The following CABLES1 variants were observed in gnomAD, a reference collection of about 807,000 sequenced individuals.
CABLES1 encodes the protein Cdk5 and Abl enzyme substrate 1.
CABLES1 carries 36 observed loss-of-function variants against 57.8 expected under a neutral mutation model. The ratio of observed to expected loss-of-function variants is 0.62; its 90% CI spans 0.48 to 0.82. CABLES1 has a LOEUF of 0.82. Among genes scored for constraint, CABLES1 ranks in the 40% least tolerant of loss-of-function variants. CABLES1 has a pLI of 0.00. For missense variants in CABLES1, 767 were observed against 836.6 expected (o/e 0.92, Z 1.03); for synonymous variants, 374 against 363.0 (o/e 1.03, Z -0.35).
At chr18:23,236,850 C>T (rs1174864368) in intron 6 of CABLES1, among the ~76,000 whole-genome samples, 4 of 152,142 alleles carry the variant, frequency 2.6e-5, no homozygotes, top group East Asian at 3.8e-4. Context: ...GCATCTTGCA[C>T]GCTGTGTGAA....
chr18:23,140,428 C>T (rs2046850358), intron 1 of CABLES1, among the ~76,000 whole-genome samples: 7 of 144,614 alleles, frequency 4.8e-5, no homozygotes, highest in South Asian at 2.2e-4. Context: ...TTCTTTCTTT[C>T]GTTTTCTTTC....
chr18:23,134,986 A>G (rs1448383438), upstream of CABLES1, among the ~76,000 whole-genome samples: 2 of 152,118 alleles, frequency 1.3e-5, no homozygotes, highest in Non-Finnish European at 2.9e-5. Flanking sequence ...GTTATTATGA[A>G]AAGGATCTAT....
chr18:23,139,600 C>T (rs2144946313), intron 1 of CABLES1, among the ~76,000 whole-genome samples: 1 of 152,254 alleles, frequency 6.6e-6, no homozygotes, highest in East Asian at 1.9e-4. Flanking sequence ...CCTGTGGAGG[C>T]AATGATTACA....
In CABLES1 at chr18:23,135,585, CAT is replaced by C; in HGVS notation, c.-177_-176del. On this transcript the variant is annotated 5_prime_UTR_variant, in exon 1 of 10. Transcript: ENST00000256925. ...GCGTGGGCCGGGGCGGCGGCGCCCC[CAT>C]CCCCAGCACCGAGGGGCGAGCATGG... 7.8e-6 allele frequency: 2 copies of C among 257,338 alleles called. No homozygotes were observed. The highest frequency in any genetic ancestry group is 1.2e-5 in the Non-Finnish European group (2 of 165,222). The allele number at this position is 257,338 out of a possible 1,614,324, so 15.9% of individuals were successfully genotyped here. A position where few individuals can be genotyped will look rare whatever the true frequency, so the allele number is the denominator to read the frequency against.
chr18:23,251,343 C>T (rs915785976), intron 7 of CABLES1, among the ~76,000 whole-genome samples: 4 of 152,176 alleles, frequency 2.6e-5, no homozygotes, highest in South Asian at 2.1e-4. Context: ...TCCAGCTACT[C>T]GGAAGGCTGA....
chr18:23,220,971 T>A (rs1424426706), intron 4 of CABLES1, among the ~76,000 whole-genome samples: 3 of 152,160 alleles, frequency 2.0e-5, no homozygotes, highest in Non-Finnish European at 4.4e-5. Flanking sequence ...TGCAGAGGTG[T>A]GGGTGTTCCT....
chr18:23,152,439 G>T (rs1261415370), intron 1 of CABLES1, among the ~76,000 whole-genome samples: 1 of 151,306 alleles, frequency 6.6e-6, no homozygotes, highest in African/African-American at 2.4e-5. Flanking sequence ...GGTGGAGAAT[G>T]ATATTTATGG....
At chr18:23,251,198 A>G (rs12458675) in intron 7 of CABLES1, among the ~76,000 whole-genome samples, 20,601 of 152,282 alleles carry the variant, frequency 0.14, 1,520 homozygotes, top group Middle Eastern at 0.24. Flanking sequence ...CATGCCTGTA[A>G]TGCCAGCACT....
At chr18:23,142,723 GCTGGGTGA>G (rs983486685) in intron 1 of CABLES1, among the ~76,000 whole-genome samples, 1 of 152,206 alleles carries the variant, frequency 6.6e-6, no homozygotes, top group African/African-American at 2.4e-5. Context: ...CCCTGTCTGT[GCTGGGTGA>G]CATAAGTAAA....
intron 4 of CABLES1, among the ~76,000 whole-genome samples, chr18:23,225,394 C>T (rs2047520537): frequency 6.6e-6 from 1 of 152,108 alleles, no homozygotes; most frequent in African/African-American, 2.4e-5. Flanking sequence ...ACCTCCTAAA[C>T]AAAGCCACCA....
intron 1 of CABLES1, among the ~76,000 whole-genome samples, chr18:23,144,825 C>T (rs748736864): frequency 3.9e-5 from 6 of 152,300 alleles, no homozygotes; most frequent in Non-Finnish European, 8.8e-5. Context: ...AATATTTACA[C>T]CACAGGAATC....
rs1210192179 is a variant in CABLES1 at position 23,188,949 on chromosome 18, C to T, written c.917+40C>T. On this transcript the variant is annotated intron_variant, in intron 2 of 9. Coordinates refer to ENST00000256925, the MANE Select transcript of CABLES1 (RefSeq NM_001100619.3). ...CATTTATGTATATGTAAACAGTACA[C>T]CATGACAGCCAGAGATTGATTTTGG... The T allele has an allele frequency of 4.5e-6, 6 of 1,346,354 alleles. No homozygotes were observed. The Admixed American group carries it at 1.2e-4, about 27-fold the overall frequency. 83.4% of individuals were successfully genotyped at this position (1,346,354 alleles called of 1,614,324 possible).
At chr18:23,189,207 T>C in intron 2 of CABLES1, 1 of 328,404 alleles carries the variant, frequency 3.0e-6, no homozygotes, top group Non-Finnish European at 5.7e-6. Flanking sequence ...AGCCCAGCAT[T>C]GTCCCGGCCT....
intron 3 of CABLES1, 82 bp downstream of exon 3, chr18:23,194,622 A>C (rs1257958646): frequency 1.1e-6 from 1 of 875,558 alleles, no homozygotes; most frequent in Non-Finnish European, 1.9e-6. Flanking sequence ...TAGTGGCCAA[A>C]ACTCAGCAAA....
chr18:23,234,095 G>A (rs754281820), intron 4 of CABLES1, among the ~76,000 whole-genome samples: 1 of 152,170 alleles, frequency 6.6e-6, no homozygotes, highest in Non-Finnish European at 1.5e-5. Context: ...GTGCGCGCCT[G>A]TAATCCCAGC....
chr18:23,176,728 T>A (rs914110917), intron 1 of CABLES1, among the ~76,000 whole-genome samples: 3 of 152,134 alleles, frequency 2.0e-5, no homozygotes, highest in African/African-American at 7.2e-5. Flanking sequence ...CCTGAAAAAC[T>A]CCTAGAAAAT....
intron 1 of CABLES1, among the ~76,000 whole-genome samples, chr18:23,181,251 T>A (rs1315812357): frequency 6.6e-6 from 1 of 152,164 alleles, no homozygotes; most frequent in East Asian, 1.9e-4. Flanking sequence ...CCCAGCACTT[T>A]GGGAGGCCTC....
At chr18:23,225,867 A>T (rs1443770106) in intron 4 of CABLES1, among the ~76,000 whole-genome samples, 1 of 152,250 alleles carries the variant, frequency 6.6e-6, no homozygotes, top group East Asian at 1.9e-4. Flanking sequence ...CAGCTTGTCC[A>T]ACACTTCTAT....
intron 1 of CABLES1, among the ~76,000 whole-genome samples, chr18:23,139,144 A>G (rs1379585512): frequency 1.3e-5 from 2 of 152,142 alleles, no homozygotes; most frequent in Non-Finnish European, 2.9e-5. Context: ...GCTCACGGCT[A>G]TAATCCCAGC....
Sources: allele counts gnomAD v4.1 joint callset (sites outside exome capture counted in the v4.1 genomes callset), GRCh38; gene constraint gnomAD v4.1.1; transcripts MANE v1.5; gene names NCBI Gene and HGNC (gene_info 2026-07-23, HGNC 2026-07-21).